The following INTS6L variants were observed in gnomAD, a reference collection of about 807,000 sequenced individuals.
INTS6L encodes the protein integrator complex subunit 6 like.
In INTS6L, 18 loss-of-function variants were observed where a neutral mutation model predicts 64.7. The observed-to-expected ratio is 0.28, with a 90% CI of 0.19 to 0.41. INTS6L has a LOEUF of 0.41. INTS6L is among the 10% of genes least tolerant of loss of function. INTS6L has a pLI of 1.00. For missense variants in INTS6L, 533 were observed against 661.0 expected (o/e 0.81, Z 2.12); for synonymous variants, 227 against 235.9 (o/e 0.96, Z 0.34).
At chrX:135,566,041 A>G (rs148204757) in intron 9 of INTS6L, among the ~76,000 whole-genome samples, 9,399 of 111,575 alleles carry the variant, frequency 0.084, 661 homozygotes, top group African/African-American at 0.22. Flanking sequence ...CAACATTTCC[A>G]TAATTACTTA....
intron 9 of INTS6L, among the ~76,000 whole-genome samples, chrX:135,566,153 G>A (rs1035494268): frequency 4.5e-5 from 5 of 111,958 alleles, no homozygotes; most frequent in Non-Finnish European, 7.5e-5. Context: ...GTTTCATGAC[G>A]TTGGGCAAGA....
chrX:135,552,125 G>A lies in INTS6L; in HGVS notation c.1038G>A (p.Lys346=). 8.3e-7 allele frequency: 1 copy of A among 1,201,438 alleles called. No individual in the cohort carries two copies. The highest frequency in any genetic ancestry group is 1.1e-6 in the Non-Finnish European group (1 of 892,140). The change falls in exon 8 of 18, where the codon AAG becomes AAA. Residue 346 remains lysine (K), a synonymous_variant. Transcript: ENST00000639893. ...TAACTCAGTATATCTTGGAACGAAA[G>A]TCTCCCCATACCTGCTGGCAGGTAC... ...SPLTQYILER[K]SPHTCWQVFV... is the part of the protein sequence containing the mutation.
intron 16 of INTS6L, 90 bp from the exon 17 acceptor site, chrX:135,580,960 C>T (rs1297011612): frequency 1.7e-5 from 11 of 646,465 alleles, no homozygotes; most frequent in South Asian, 4.4e-5. Flanking sequence ...TTTCCACTCA[C>T]GAAGAACAAT....
chrX:135,564,376 T>C (rs73561623), intron 9 of INTS6L, among the ~76,000 whole-genome samples: 2,633 of 111,462 alleles, frequency 0.024, 80 homozygotes, highest in African/African-American at 0.081. Flanking sequence ...CCGCTTTAAA[T>C]TGGATATTTT....
At chrX:135,548,461 T>A (rs1414798517) in intron 6 of INTS6L, among the ~76,000 whole-genome samples, 5 of 111,729 alleles carry the variant, frequency 4.5e-5, no homozygotes, top group Non-Finnish European at 9.4e-5. Context: ...CTGCTAGCAA[T>A]CCAAAATTTC....
chrX:135,534,078 A>T (rs782375684), intron 2 of INTS6L, among the ~76,000 whole-genome samples: 18 of 110,982 alleles, frequency 1.6e-4, no homozygotes, highest in Non-Finnish European at 3.2e-4. Flanking sequence ...TTCTTTGGAT[A>T]TTATCATGTT....
At chrX:135,570,187 A>G (rs2087058025) in intron 10 of INTS6L, 2 of 248,829 alleles carry the variant, frequency 8.0e-6, no homozygotes, top group Non-Finnish European at 1.4e-5. Context: ...ATAAGATTGA[A>G]CGCAATTTAC....
chrX:135,565,735 TCA>T (rs2086931642), intron 9 of INTS6L, among the ~76,000 whole-genome samples: 1 of 111,612 alleles, frequency 9.0e-6, no homozygotes, highest in South Asian at 3.8e-4. Context: ...CCTCCTCTCT[TCA>T]CAGTTTAGTT....
rs782225256 is a variant in INTS6L, at chrX:135,548,783, A to G, written c.743-859A>G. Among the ~76,000 whole-genome samples, 4 of 112,140 alleles carry G rather than the reference A, an allele frequency of 3.6e-5. No individual in the cohort carries two copies. The East Asian group carries it at 1.1e-3, about 31-fold the overall frequency. ...AGTAATGCTTAAATAAGTTATTCAAATGACTGATAATTTAAGAAAAATGAG... is the reference window on the plus strand; with the variant it reads ...AGTAATGCTTAAATAAGTTATTCAAGTGACTGATAATTTAAGAAAAATGAG... On this transcript the variant is annotated intron_variant, in intron 6 of 17. Transcript: ENST00000639893.
chrX:135,575,871 A>C (rs1243920298), intron 14 of INTS6L, among the ~76,000 whole-genome samples: 1 of 110,882 alleles, frequency 9.0e-6, no homozygotes, highest in Non-Finnish European at 1.9e-5. Context: ...ATGGGATTAT[A>C]GCTGCACTCA....
At chrX:135,522,609 C>G (rs1321798463) in intron 2 of INTS6L, among the ~76,000 whole-genome samples, 1 of 111,796 alleles carries the variant, frequency 8.9e-6, no homozygotes, top group Non-Finnish European at 1.9e-5. Context: ...TAGGGAGACG[C>G]AGTCTGGATG....
At position 135,575,230 on chromosome X, in the gene INTS6L, G is replaced by A. The variant is rs2087192582; in HGVS notation, c.1884+4G>A. ...TCCGTTTAAACAAGATAAGAAGGTA[G>A]GATACCTATGCCTATGTCTGCCTAA... On this transcript the variant is annotated splice_donor_region_variant and intron_variant, in intron 14 of 17. Coordinates refer to ENST00000639893, the MANE Select transcript of INTS6L (RefSeq NM_001351601.3). 1.7e-6 allele frequency: 2 copies of A among 1,204,268 alleles called. No homozygotes were observed. The highest frequency in any genetic ancestry group is 2.2e-5 in the Admixed American group (1 of 45,040).
At chrX:135,576,845 T>C (rs782486231) in intron 14 of INTS6L, among the ~76,000 whole-genome samples, 1 of 112,820 alleles carries the variant, frequency 8.9e-6, no homozygotes, top group Non-Finnish European at 1.9e-5. Context: ...CTCCTTTTGG[T>C]TGAATAATGC....
intron 2 of INTS6L, among the ~76,000 whole-genome samples, chrX:135,538,103 A>T (rs782693927): frequency 8.9e-6 from 1 of 112,024 alleles, no homozygotes; most frequent in Non-Finnish European, 1.9e-5. Context: ...TATGAACTTT[A>T]CCGCATCGGT....
In INTS6L at chrX:135,563,655, ATAGCTATATATATAGC is replaced by A. The variant is rs1322065566; in HGVS notation, c.1193-5679_1193-5664del. 5.4e-3 allele frequency among the ~76,000 whole-genome samples: 16 copies of A among 2,968 alleles called. 1 individual carries two copies. The highest frequency in any genetic ancestry group is 9.9e-3 in the Admixed American group (3 of 302). The allele number at this position is 2,968 out of a possible 115,157, so 2.6% of individuals were successfully genotyped here. ...TGTGTATATATATATATATATATATATAGCTATATATATAGCTATATATATAGCTAGGTATAGAATT... is the reference window on the plus strand; with the variant it reads ...TGTGTATATATATATATATATATATATATATATATAGCTAGGTATAGAATT... On this transcript the variant is annotated intron_variant, in intron 9 of 17. Transcript: ENST00000639893.
intron 2 of INTS6L, among the ~76,000 whole-genome samples, chrX:135,542,083 G>A (rs2086235134): frequency 8.9e-6 from 1 of 111,885 alleles, no homozygotes; most frequent in African/African-American, 3.2e-5. Context: ...GGTAGTAAAT[G>A]TAGCCTACAT....
chrX:135,521,465 C>A, intron 2 of INTS6L, 147 bp downstream of exon 2: 1 of 544,255 alleles, frequency 1.8e-6, no homozygotes, highest in Non-Finnish European at 2.8e-6. Context: ...CGGAGTGGTG[C>A]CGTCGGCGGC....
intron 6 of INTS6L, among the ~76,000 whole-genome samples, chrX:135,547,791 T>G (rs1556515665): frequency 8.9e-6 from 1 of 111,787 alleles, no homozygotes; most frequent in Non-Finnish European, 1.9e-5. Flanking sequence ...TTTCTCCAAA[T>G]GAGATTTCAC....
At chrX:135,533,004 G>A (rs1159855858) in intron 2 of INTS6L, among the ~76,000 whole-genome samples, 1 of 112,035 alleles carries the variant, frequency 8.9e-6, no homozygotes, top group Admixed American at 9.5e-5. Flanking sequence ...TTGAGCCCAG[G>A]ATTACAAGAC....
Sources: allele counts gnomAD v4.1 joint callset (sites outside exome capture counted in the v4.1 genomes callset), GRCh38; gene constraint gnomAD v4.1.1; transcripts MANE v1.5; gene names NCBI Gene and HGNC (gene_info 2026-07-23, HGNC 2026-07-21).